Variants in CNTN5 observed in about 807,000 individuals in gnomAD.
CNTN5 encodes contactin-5.
A neutral mutation model predicts 129.1 loss-of-function variants in CNTN5; 77 were observed. The observed-to-expected ratio is 0.60, with a 90% CI of 0.50 to 0.72. The LOEUF is 0.72. CNTN5 is among the 30% of genes least tolerant of loss of function. The pLI is 0.00. For synonymous variants in CNTN5, 509 were observed against 465.6 expected, an observed-to-expected ratio of 1.09 and a Z score of -1.20; for missense variants, 1,478 against 1,328.8, an observed-to-expected ratio of 1.11 and a Z score of -1.75.
At chr11:99,233,336 A>G (rs542757867) in intron 1 of CNTN5, among the ~76,000 whole-genome samples, 5 of 152,328 alleles carry the variant, frequency 3.3e-5, no homozygotes, top group Middle Eastern at 6.8e-3. Context: ...AGGGACTTCC[A>G]ATTTGAAACA....
intron 3 of CNTN5, among the ~76,000 whole-genome samples, chr11:99,644,992 C>A (rs184211628): frequency 4.4e-4 from 66 of 151,178 alleles, no homozygotes; most frequent in African/African-American, 1.5e-3. Flanking sequence ...TGAGGTCAGG[C>A]GTGGTGGCTT....
At chr11:99,440,398 C>T (rs1943778781) in intron 2 of CNTN5, among the ~76,000 whole-genome samples, 1 of 141,068 alleles carries the variant, frequency 7.1e-6, no homozygotes, top group African/African-American at 2.5e-5. Flanking sequence ...GATTTGACCT[C>T]CTATAATTTA....
intron 13 of CNTN5, among the ~76,000 whole-genome samples, chr11:100,120,665 T>C (rs895771010): frequency 6.6e-6 from 1 of 151,896 alleles, no homozygotes; most frequent in African/African-American, 2.4e-5. Context: ...CAAATATACC[T>C]TGGAGACTTG....
chr11:99,591,171 T>C (rs1949967245), intron 3 of CNTN5, among the ~76,000 whole-genome samples: 1 of 152,080 alleles, frequency 6.6e-6, no homozygotes, highest in Non-Finnish European at 1.5e-5. Flanking sequence ...TAGGCCCGTG[T>C]ATCTTTTTGA....
chr11:99,570,157 A>G (rs1305918781), intron 3 of CNTN5, among the ~76,000 whole-genome samples: 1 of 151,648 alleles, frequency 6.6e-6, no homozygotes, highest in South Asian at 2.1e-4. Context: ...AGAAGAAAAG[A>G]AAAAAGCTTG....
chr11:99,850,505 T>C (rs1947839166), intron 6 of CNTN5, among the ~76,000 whole-genome samples: 1 of 152,180 alleles, frequency 6.6e-6, no homozygotes, highest in East Asian at 1.9e-4. Context: ...TAAAGTTTCA[T>C]TTCTATTCAT....
chr11:99,550,613 AT>A (rs1948450522), intron 2 of CNTN5, among the ~76,000 whole-genome samples: 1 of 152,172 alleles, frequency 6.6e-6, no homozygotes, highest in Non-Finnish European at 1.5e-5. Context: ...CAAAATTTAC[AT>A]ACAAGGCCCT....
chr11:99,337,353 G>T (rs1369990117), intron 2 of CNTN5, among the ~76,000 whole-genome samples: 2 of 152,188 alleles, frequency 1.3e-5, no homozygotes, highest in Non-Finnish European at 2.9e-5. Context: ...ACAGCCTTCA[G>T]AGCTGAGAGC....
At position 99,216,834 on chromosome 11, in the gene CNTN5, C is replaced by T. The variant is rs143062439; in HGVS notation, c.-209-108512C>T. 1.8e-3 allele frequency among the ~76,000 whole-genome samples: 276 copies of T among 152,138 alleles called. 1 individual carries two copies. The highest frequency in any genetic ancestry group is 6.4e-3 in the African/African-American group (265 of 41,530). On this transcript the variant is annotated intron_variant, in intron 1 of 24. Transcript: ENST00000524871. ...GGAAATAGTCAACAAAGTGAAGAGG[C>T]AACCCACAGAGAGGGAGAAAATATT...
intron 1 of CNTN5, among the ~76,000 whole-genome samples, chr11:99,224,135 A>G (rs965594670): frequency 1.3e-5 from 2 of 152,156 alleles, no homozygotes; most frequent in East Asian, 3.9e-4. Context: ...AGGACTGCAG[A>G]TAATGTAATA....
chr11:100,264,595 G>T (rs1003957062), intron 17 of CNTN5, among the ~76,000 whole-genome samples: 3 of 152,096 alleles, frequency 2.0e-5, no homozygotes, highest in African/African-American at 7.2e-5. Flanking sequence ...ATACTCCGTG[G>T]TGTATATGTG....
At chr11:99,875,080 TATACTG>T (rs908563891) in intron 6 of CNTN5, among the ~76,000 whole-genome samples, 12 of 152,300 alleles carry the variant, frequency 7.9e-5, no homozygotes, top group Middle Eastern at 3.4e-3. Context: ...TATATCAAAT[TATACTG>T]ATACATATAA....
At chr11:100,180,387 G>A (rs572077966) in intron 13 of CNTN5, among the ~76,000 whole-genome samples, 12 of 152,008 alleles carry the variant, frequency 7.9e-5, no homozygotes, top group Non-Finnish European at 1.5e-4. Flanking sequence ...GGAAAATGGT[G>A]CTAGAGTGAT....
In CNTN5 at chr11:99,841,022, C is replaced by G. The variant is rs545312227; in HGVS notation, c.278-3830C>G. Among the ~76,000 whole-genome samples, 9 of 152,136 alleles carry G rather than the reference C, an allele frequency of 5.9e-5. No homozygotes were observed. In the South Asian group the frequency reaches 1.0e-3, roughly 18 times the overall value. On this transcript the variant is annotated intron_variant, in intron 4 of 24. Coordinates refer to ENST00000524871, the MANE Select transcript of CNTN5 (RefSeq NM_014361.4). Reference sequence around the variant, plus strand: ...GTACGTAGACATGTTTCTTTTCCCCCCCTTAACATGAATTTTACTTCTAAG... The same window carrying G: ...GTACGTAGACATGTTTCTTTTCCCCGCCTTAACATGAATTTTACTTCTAAG...
chr11:99,209,108 A>G (rs2135662329), intron 1 of CNTN5, among the ~76,000 whole-genome samples: 1 of 152,240 alleles, frequency 6.6e-6, no homozygotes, highest in Non-Finnish European at 1.5e-5. Flanking sequence ...AATTGACGCT[A>G]CAGTGTACAT....
intron 13 of CNTN5, among the ~76,000 whole-genome samples, chr11:100,083,986 T>A (rs1944458862): frequency 6.6e-6 from 1 of 152,080 alleles, no homozygotes; most frequent in African/African-American, 2.4e-5. Context: ...TCAGTTAATT[T>A]AAGCTGTAAA....
At chr11:99,370,212 A>G (rs1217131364) in intron 2 of CNTN5, among the ~76,000 whole-genome samples, 1 of 152,208 alleles carries the variant, frequency 6.6e-6, no homozygotes, top group African/African-American at 2.4e-5. Flanking sequence ...TTTCTGTGGA[A>G]TTGAGAAGGC....
chr11:100,113,921 T>A (rs991518615), intron 13 of CNTN5, among the ~76,000 whole-genome samples: 1 of 152,204 alleles, frequency 6.6e-6, no homozygotes, highest in Non-Finnish European at 1.5e-5. Context: ...CATAAGTACA[T>A]TTCTAAAACT....
At chr11:100,204,255 A>C (rs1459577996) in intron 15 of CNTN5, among the ~76,000 whole-genome samples, 2 of 126,374 alleles carry the variant, frequency 1.6e-5, no homozygotes, top group South Asian at 5.5e-4. Context: ...TGAACTAAAA[A>C]CTAGCCATTT....
Sources: gnomAD v4.1 joint callset for allele counts (sites outside exome capture counted in the v4.1 genomes callset) on GRCh38, gnomAD v4.1.1 for gene constraint, MANE v1.5 for transcripts, NCBI Gene and HGNC (gene_info 2026-07-23, HGNC 2026-07-21) for gene names.